Variants in TXLNB observed in about 807,000 individuals in gnomAD.
TXLNB encodes beta-taxilin.
In TXLNB, 37 loss-of-function variants were observed where a neutral mutation model predicts 57.4. The ratio of observed to expected loss-of-function variants is 0.64; its 90% CI spans 0.50 to 0.85. The LOEUF is 0.85. Among genes scored for constraint, TXLNB ranks in the 40% least tolerant of loss-of-function variants. The pLI, the probability that TXLNB is intolerant of heterozygous loss-of-function variation, is 0.00. For missense variants in TXLNB, 848 were observed against 825.6 expected, an observed-to-expected ratio of 1.03 and a Z score of -0.33; for synonymous variants, 302 against 309.6, an observed-to-expected ratio of 0.98 and a Z score of 0.26.
chr6:139,226,890 G>A, the TXLNB span, among the ~76,000 whole-genome samples: 1 of 152,124 alleles, frequency 6.6e-6, no homozygotes, highest in Non-Finnish European at 1.5e-5. Flanking sequence ...AGCTAGGCAT[G>A]GTGGTGCACG....
chr6:139,236,231 A>G (rs1223347579), downstream of TXLNB, among the ~76,000 whole-genome samples: 1 of 152,172 alleles, frequency 6.6e-6, no homozygotes, highest in East Asian at 1.9e-4. Flanking sequence ...GATTAATGCA[A>G]GCCACCTGCA....
chr6:139,216,249 A>G, the TXLNB span, among the ~76,000 whole-genome samples: 3 of 151,700 alleles, frequency 2.0e-5, no homozygotes, highest in African/African-American at 7.3e-5. Flanking sequence ...GATAGACTGG[A>G]TTAAGAAAAT....
chr6:139,301,875 T>TAAAAC, the TXLNB span, among the ~76,000 whole-genome samples: 1 of 152,148 alleles, frequency 6.6e-6, no homozygotes, highest in African/African-American at 2.4e-5. Context: ...TCCCGTCCCC[T>TAAAAC]AAAACAAAAC....
At chr6:139,223,309 AT>A in the TXLNB span, among the ~76,000 whole-genome samples, 7 of 152,232 alleles carry the variant, frequency 4.6e-5, no homozygotes, top group South Asian at 1.4e-3. Context: ...AGTTAAAGCC[AT>A]TCTTAGGTAG....
chr6:139,308,541 A>T, the TXLNB span, among the ~76,000 whole-genome samples: 5 of 152,082 alleles, frequency 3.3e-5, no homozygotes, highest in Non-Finnish European at 5.9e-5. Context: ...TCCAACTAAT[A>T]CTCCTTTTAA....
chr6:139,189,302 G>C, the TXLNB span, among the ~76,000 whole-genome samples: 1 of 152,176 alleles, frequency 6.6e-6, no homozygotes, highest in Admixed American at 6.5e-5. Flanking sequence ...AAAGTTCTAA[G>C]AAAATATCTA....
At chr6:139,298,386 A>G in the TXLNB span, among the ~76,000 whole-genome samples, 1 of 152,222 alleles carries the variant, frequency 6.6e-6, no homozygotes, top group Admixed American at 6.5e-5. Flanking sequence ...ATTCAAATTA[A>G]TATGACATTG....
chr6:139,276,681 G>T (rs995167658), intron 3 of TXLNB, 149 bp downstream of exon 3: 9 of 610,534 alleles, frequency 1.5e-5, no homozygotes, highest in African/African-American at 1.4e-4. Flanking sequence ...CTTAGCTGTG[G>T]GTCTCATAAT....
the TXLNB span, among the ~76,000 whole-genome samples, chr6:139,212,070 G>A: frequency 6.6e-6 from 1 of 152,140 alleles, no homozygotes; most frequent in Non-Finnish European, 1.5e-5. Context: ...TATTATCCAG[G>A]AGAACTTCCC....
the TXLNB span, among the ~76,000 whole-genome samples, chr6:139,203,295 C>A: frequency 6.6e-6 from 1 of 151,928 alleles, no homozygotes; most frequent in African/African-American, 2.4e-5. Context: ...AGTTACTAGC[C>A]TTTCTCTCTC....
intron 3 of TXLNB, among the ~76,000 whole-genome samples, chr6:139,275,512 T>C (rs1026287852): frequency 3.9e-5 from 6 of 152,250 alleles, no homozygotes; most frequent in Non-Finnish European, 7.3e-5. Context: ...TTCAGCATTA[T>C]ATATCTTCGT....
At chr6:139,164,989 C>T in the TXLNB span, among the ~76,000 whole-genome samples, 1 of 152,170 alleles carries the variant, frequency 6.6e-6, no homozygotes, top group Non-Finnish European at 1.5e-5. Context: ...AAAAATATCC[C>T]AAGCTGTGTC....
At chr6:139,281,954 C>T (rs1777063015) in intron 2 of TXLNB, among the ~76,000 whole-genome samples, 1 of 151,424 alleles carries the variant, frequency 6.6e-6, no homozygotes, top group Non-Finnish European at 1.5e-5. Flanking sequence ...CCACTCCCTA[C>T]CTTGGTCAGA....
the TXLNB span, among the ~76,000 whole-genome samples, chr6:139,225,580 A>G: frequency 9.2e-5 from 14 of 152,328 alleles, no homozygotes; most frequent in African/African-American, 3.4e-4. Context: ...TTTCAATTGT[A>G]TCATAAAACA....
chr6:139,187,689 G>C, the TXLNB span, among the ~76,000 whole-genome samples: 53 of 152,306 alleles, frequency 3.5e-4, no homozygotes, highest in South Asian at 6.2e-4. Context: ...GCCTGATAGC[G>C]AGGAGGCTCC....
the TXLNB span, chr6:139,177,761 C>G: frequency 2.6e-5 from 4 of 152,052 alleles, no homozygotes; most frequent in Non-Finnish European, 5.9e-5. The surrounding 1 kb of genome is among the most constrained non-coding windows in gnomAD (Gnocchi z 4.9). Flanking sequence ...GTAAACTGAC[C>G]TATAACAGAA....
chr6:139,221,600 C>A, the TXLNB span, among the ~76,000 whole-genome samples: 1 of 151,896 alleles, frequency 6.6e-6, no homozygotes, highest in Non-Finnish European at 1.5e-5. Flanking sequence ...TTGCAATGAT[C>A]GGACGTGGAG....
chr6:139,274,603 CT>C (rs1301730185), intron 3 of TXLNB, among the ~76,000 whole-genome samples: 1 of 152,124 alleles, frequency 6.6e-6, no homozygotes, highest in East Asian at 1.9e-4. Context: ...GGGGTGACTG[CT>C]TTGCTAGGAG....
the TXLNB span, among the ~76,000 whole-genome samples, chr6:139,302,193 T>C: frequency 1.3e-5 from 2 of 152,072 alleles, no homozygotes; most frequent in South Asian, 4.1e-4. Context: ...AAGCTGTTTT[T>C]AAAAATATGT....
Sources: gnomAD v4.1 joint callset for allele counts (sites outside exome capture counted in the v4.1 genomes callset) on GRCh38, gnomAD v4.1.1 for gene constraint, Gnocchi (gnomAD v3.1) non-coding constraint, MANE v1.5 for transcripts, NCBI Gene and HGNC (gene_info 2026-07-23, HGNC 2026-07-21) for gene names.